The following DNAL1 variants were observed in gnomAD, a reference collection of about 807,000 sequenced individuals.
DNAL1 encodes dynein axonemal light chain 1.
DNAL1 carries 17 observed loss-of-function variants against 29.4 expected under a neutral mutation model. The observed-to-expected ratio is 0.58, with a 90% confidence interval of 0.40 to 0.87. The LOEUF is 0.87. Among genes scored for constraint, DNAL1 ranks in the 40% least tolerant of loss-of-function variants. The pLI is 0.00. For missense variants in DNAL1, 188 were observed against 214.1 expected (o/e 0.88, Z 0.76); for synonymous variants, 78 against 76.3 (o/e 1.02, Z -0.12).
Position 73,645,171 on chromosome 14 carries a change from G to T in DNAL1, c.3+129G>T, listed in dbSNP as rs544505848. ...GGAGCCGGTAGCTGACGCTAGCTCTGTGGAGTCAGGGGCCCGAGGCGAAAG... is the reference window on the plus strand; with the variant it reads ...GGAGCCGGTAGCTGACGCTAGCTCTTTGGAGTCAGGGGCCCGAGGCGAAAG... On this transcript the variant is annotated intron_variant, in intron 1 of 7. Coordinates refer to ENST00000553645, the MANE Select transcript of DNAL1 (RefSeq NM_031427.4). 4.7e-4 allele frequency: 707 copies of T among 1,501,082 alleles called. 1 individual carries two copies. The African/African-American group carries it at 7.4e-3, about 16-fold the overall frequency. The allele number at this position is 1,501,082 out of a possible 1,614,324, so 93.0% of individuals were successfully genotyped here.
chr14:73,686,018 C>T (rs2140057229), intron 5 of DNAL1, among the ~76,000 whole-genome samples: 1 of 152,194 alleles, frequency 6.6e-6, no homozygotes, highest in South Asian at 2.1e-4. Context: ...TAAGGAACGG[C>T]CAAATTGTTT....
At chr14:73,666,569 A>G (rs1400115880) in intron 4 of DNAL1, among the ~76,000 whole-genome samples, 1 of 152,214 alleles carries the variant, frequency 6.6e-6, no homozygotes, top group East Asian at 1.9e-4. Flanking sequence ...TGGAAAATAT[A>G]TATTATGTTA....
At chr14:73,647,911 C>T (rs1891016622) in intron 1 of DNAL1, among the ~76,000 whole-genome samples, 1 of 152,174 alleles carries the variant, frequency 6.6e-6, no homozygotes, top group South Asian at 2.1e-4. Flanking sequence ...AGGTACTTTT[C>T]AGGCTGCTTT....
intron 7 of DNAL1, 112 bp from the exon 8 acceptor site, chr14:73,695,790 A>G (rs1307277146): frequency 1.3e-6 from 1 of 774,948 alleles, no homozygotes; most frequent in Non-Finnish European, 2.0e-6. Context: ...CAGCCTCCCA[A>G]AGTGCTGGGA....
At chr14:73,669,592 A>G (rs1891571080) in intron 4 of DNAL1, among the ~76,000 whole-genome samples, 1 of 151,942 alleles carries the variant, frequency 6.6e-6, no homozygotes, top group African/African-American at 2.4e-5. Flanking sequence ...TTTATTTTTT[A>G]TTTTTTATTT....
chr14:73,689,658 C>T, intron 7 of DNAL1, 143 bp downstream of exon 7: 3 of 1,307,752 alleles, frequency 2.3e-6, no homozygotes, highest in Non-Finnish European at 3.2e-6. Flanking sequence ...ATTGAATGGT[C>T]TAGGTTTGAG....
intron 2 of DNAL1, 47 bp downstream of exon 2, chr14:73,654,932 A>G (rs1402656997): frequency 6.6e-7 from 1 of 1,518,102 alleles, no homozygotes; most frequent in Non-Finnish European, 8.9e-7. Context: ...ACAAGGAAAA[A>G]TTTTGGATAG....
intron 4 of DNAL1, among the ~76,000 whole-genome samples, chr14:73,668,924 G>T (rs576936217): frequency 1.3e-5 from 2 of 151,910 alleles, no homozygotes; most frequent in Non-Finnish European, 2.9e-5. Context: ...TGATCCACCC[G>T]CCTCGGCCTC....
intron 4 of DNAL1, among the ~76,000 whole-genome samples, chr14:73,669,177 T>C (rs550337355): frequency 3.2e-4 from 48 of 152,236 alleles, no homozygotes; most frequent in African/African-American, 1.1e-3. Flanking sequence ...TCTCACTCTG[T>C]TACCCAGGCT....
At chr14:73,647,883 T>C (rs1448406085) in intron 1 of DNAL1, among the ~76,000 whole-genome samples, 2 of 152,216 alleles carry the variant, frequency 1.3e-5, no homozygotes, top group Non-Finnish European at 1.5e-5. Context: ...ATAGGGTCTA[T>C]GTATACTTAA....
chr14:73,646,085 T>G (rs1295136417), intron 1 of DNAL1, among the ~76,000 whole-genome samples: 1 of 152,212 alleles, frequency 6.6e-6, no homozygotes, highest in Non-Finnish European at 1.5e-5. Flanking sequence ...TCCCCCCTGC[T>G]TTCCTTACTT....
chr14:73,654,770 A>G (rs1891173564), intron 1 of DNAL1, 77 bp from the exon 2 acceptor site: 1 of 1,289,320 alleles, frequency 7.8e-7, no homozygotes. Context: ...AAATAAATAC[A>G]TACATACATA....
chr14:73,699,609 C>T lies in DNAL1; in HGVS notation c.*3667C>T, dbSNP rs1418964055. On this transcript the variant is annotated 3_prime_UTR_variant, in exon 8 of 8. Coordinates refer to ENST00000553645, the MANE Select transcript of DNAL1 (RefSeq NM_031427.4). ...GTGAGCCACTGCGACTGGCTTAATG[C>T]TCATTTTCATAATTTTCATGTAATA... is the stretch of plus-strand genomic sequence containing the variant. The T allele has an allele frequency of 1.3e-5, 2 of 152,000 alleles. No individual in the cohort carries two copies. Among genetic ancestry groups the T allele is most frequent in the Non-Finnish European group, 2.9e-5 (2 of 67,980 alleles). 9.4% of individuals were successfully genotyped at this position (152,000 alleles called of 1,614,324 possible). A position where few individuals can be genotyped will look rare whatever the true frequency, so the allele number is the denominator to read the frequency against.
chr14:73,686,732 TTA>T (rs1892027307), intron 5 of DNAL1, among the ~76,000 whole-genome samples: 2 of 152,124 alleles, frequency 1.3e-5, no homozygotes, highest in South Asian at 4.1e-4. Context: ...AACAACTTTT[TTA>T]TGTTTGAAAA....
Position 73,689,568 on chromosome 14 carries a change from T to A in DNAL1, c.532+53T>A, listed in dbSNP as rs138833457. 8,881 of 1,564,776 alleles carry A rather than the reference T, an allele frequency of 5.7e-3. 41 individuals carry two copies. Among genetic ancestry groups the A allele is most frequent in the South Asian group, 0.011 (901 of 84,664 alleles). ...TATCTTCTAGGCATAAAAATGGAAT[T>A]TGTGGCATGGAATCATGAAGAGGAG... is the stretch of plus-strand genomic sequence containing the variant. On this transcript the variant is annotated intron_variant, in intron 7 of 7. Coordinates refer to ENST00000553645, the MANE Select transcript of DNAL1 (RefSeq NM_031427.4).
In DNAL1 at chr14:73,699,703, C is replaced by A. The variant is rs139607656; in HGVS notation, c.*3761C>A. 2 of 152,258 alleles carry A rather than the reference C, an allele frequency of 1.3e-5. No individual in the cohort carries two copies. The highest frequency in any genetic ancestry group is 4.8e-5 in the African/African-American group (2 of 41,550). The allele number at this position is 152,258 out of a possible 1,614,324, so 9.4% of individuals were successfully genotyped here. A position where few individuals can be genotyped will look rare whatever the true frequency, so the allele number is the denominator to read the frequency against. On this transcript the variant is annotated 3_prime_UTR_variant, in exon 8 of 8. Coordinates refer to ENST00000553645, the MANE Select transcript of DNAL1 (RefSeq NM_031427.4). ...CAGGGTCTCAACTTTTATTTCTAAGCATTCTTGCTTATCTTAGGACAGTGA... is the reference window on the plus strand; with the variant it reads ...CAGGGTCTCAACTTTTATTTCTAAGAATTCTTGCTTATCTTAGGACAGTGA...
intron 1 of DNAL1, 75 bp from the exon 2 acceptor site, chr14:73,654,772 A>ACATACATACATACATAAATT: frequency 7.7e-7 from 1 of 1,304,314 alleles, no homozygotes; most frequent in South Asian, 1.5e-5. Flanking sequence ...ATAAATACAT[A>ACATACATACATACATAAATT]CATACATACA....
At position 73,699,935 on chromosome 14, in the gene DNAL1, G is replaced by A. The variant is rs1267499815; in HGVS notation, c.*3993G>A. ...TGTGTAAAATTTGATAATCTTGTAG[G>A]AAAGTTAGCTGATGTAGACATCAAT... On this transcript the variant is annotated 3_prime_UTR_variant, in exon 8 of 8. Coordinates refer to ENST00000553645, the MANE Select transcript of DNAL1 (RefSeq NM_031427.4). 2 of 152,230 alleles carry A rather than the reference G, an allele frequency of 1.3e-5. No homozygotes were observed. Among genetic ancestry groups the A allele is most frequent in the Non-Finnish European group, 2.9e-5 (2 of 68,050 alleles). 9.4% of individuals were successfully genotyped at this position (152,230 alleles called of 1,614,324 possible). A position where few individuals can be genotyped will look rare whatever the true frequency, so the allele number is the denominator to read the frequency against.
At chr14:73,649,493 A>G (rs1487812426) in intron 1 of DNAL1, among the ~76,000 whole-genome samples, 1 of 150,610 alleles carries the variant, frequency 6.6e-6, no homozygotes, top group Non-Finnish European at 1.5e-5. Context: ...CATGATAGCC[A>G]GGATGGTCTC....
Sources: gnomAD v4.1 joint callset for allele counts (sites outside exome capture counted in the v4.1 genomes callset) on GRCh38, gnomAD v4.1.1 for gene constraint, MANE v1.5 for transcripts, NCBI Gene and HGNC (gene_info 2026-07-23, HGNC 2026-07-21) for gene names.